GALNT13: variants seen among roughly 807,000 people sequenced by gnomAD.
GALNT13 encodes polypeptide N-acetylgalactosaminyltransferase 13.
GALNT13 carries 28 observed loss-of-function variants against 64.2 expected under a neutral mutation model. The observed-to-expected ratio is 0.44, with a 90% CI of 0.32 to 0.60. GALNT13 has a LOEUF of 0.60. Ranked by LOEUF, GALNT13 falls within the 20% of genes least tolerant of loss-of-function variation. GALNT13 has a pLI of 0.05. For synonymous variants in GALNT13, 214 were observed against 224.6 expected (o/e 0.95, Z 0.42); for missense variants, 577 against 669.8 (o/e 0.86, Z 1.53).
chr2:153,799,893 T>C, the GALNT13 span, among the ~76,000 whole-genome samples: 1 of 152,144 alleles, frequency 6.6e-6, no homozygotes, highest in South Asian at 2.1e-4. Context: ...TGGTATATAT[T>C]TGAGGGAGAA....
chr2:154,176,593 T>C (rs968926594), intron 4 of GALNT13, among the ~76,000 whole-genome samples: 1 of 152,188 alleles, frequency 6.6e-6, no homozygotes, highest in South Asian at 2.1e-4. Context: ...TTTTAAGAAT[T>C]CCTGATATCA....
the GALNT13 span, among the ~76,000 whole-genome samples, chr2:153,267,610 A>C: frequency 6.6e-6 from 1 of 152,336 alleles, no homozygotes; most frequent in African/African-American, 2.4e-5. Context: ...TGCACAGAGC[A>C]GTGGGGCCAT....
intron 4 of GALNT13, among the ~76,000 whole-genome samples, chr2:154,223,729 A>G (rs1688444487): frequency 6.6e-6 from 1 of 152,070 alleles, no homozygotes; most frequent in Non-Finnish European, 1.5e-5. Flanking sequence ...ATCTCAGGTA[A>G]AAGTATTTGT....
chr2:154,206,543 C>G (rs933454339), intron 4 of GALNT13, among the ~76,000 whole-genome samples: 1 of 151,786 alleles, frequency 6.6e-6, no homozygotes, highest in African/African-American at 2.4e-5. Flanking sequence ...GCCTGTAAAC[C>G]TAGCACTTTG....
At chr2:154,211,093 G>A (rs771818471) in intron 4 of GALNT13, among the ~76,000 whole-genome samples, 8 of 151,738 alleles carry the variant, frequency 5.3e-5, no homozygotes, top group Non-Finnish European at 5.9e-5. Context: ...ATATAGAAAT[G>A]TGTGAGTTTT....
chr2:153,629,275 G>A, the GALNT13 span, among the ~76,000 whole-genome samples: 3 of 151,510 alleles, frequency 2.0e-5, no homozygotes, highest in Admixed American at 1.3e-4. Flanking sequence ...AACCAAAACA[G>A]CATGATACTG....
intron 4 of GALNT13, among the ~76,000 whole-genome samples, chr2:154,149,718 G>C (rs571380251): frequency 1.3e-5 from 2 of 151,970 alleles, no homozygotes; most frequent in East Asian, 3.9e-4. Context: ...TCATGATTTG[G>C]CTCTCTGTTT....
the GALNT13 span, among the ~76,000 whole-genome samples, chr2:153,627,669 C>T: frequency 1.3e-5 from 2 of 152,026 alleles, no homozygotes; most frequent in Non-Finnish European, 2.9e-5. Context: ...CCTAATAATA[C>T]TCAGACAAGG....
intron 9 of GALNT13, among the ~76,000 whole-genome samples, chr2:154,367,550 C>T (rs1375251270): frequency 6.6e-6 from 1 of 152,006 alleles, no homozygotes; most frequent in African/African-American, 2.4e-5. Flanking sequence ...ATATTATGTA[C>T]CATTTCACTA....
At chr2:154,199,729 T>C (rs1362413304) in intron 4 of GALNT13, among the ~76,000 whole-genome samples, 1 of 152,044 alleles carries the variant, frequency 6.6e-6, no homozygotes, top group African/African-American at 2.4e-5. Flanking sequence ...AAACTGGAGA[T>C]TGTAATACTA....
intron 9 of GALNT13, among the ~76,000 whole-genome samples, chr2:154,356,971 G>A (rs1283508311): frequency 6.6e-6 from 1 of 151,860 alleles, no homozygotes; most frequent in South Asian, 2.1e-4. Context: ...ATAGATATTT[G>A]ATAATACCTG....
At chr2:154,285,128 A>G (rs1692186806) in intron 8 of GALNT13, among the ~76,000 whole-genome samples, 2 of 152,042 alleles carry the variant, frequency 1.3e-5, no homozygotes, top group Admixed American at 6.5e-5. Context: ...CTAGCTCTTT[A>G]TCAGACATAT....
chr2:153,277,908 C>CTTTTCTTTTTTTTTTTTTTT, the GALNT13 span, among the ~76,000 whole-genome samples: 8 of 69,588 alleles, frequency 1.1e-4, no homozygotes, highest in Non-Finnish European at 2.6e-4. Context: ...TTTCTTTTTT[C>CTTTTCTTTTTTTTTTTTTTT]TTTTGTTTTC....
At chr2:154,157,882 C>T (rs1684513823) in intron 4 of GALNT13, among the ~76,000 whole-genome samples, 1 of 152,168 alleles carries the variant, frequency 6.6e-6, no homozygotes, top group Non-Finnish European at 1.5e-5. Context: ...AAATTTTTCA[C>T]TTGGCTTTTA....
At chr2:153,458,382 C>A in the GALNT13 span, among the ~76,000 whole-genome samples, 1 of 152,148 alleles carries the variant, frequency 6.6e-6, no homozygotes, top group African/African-American at 2.4e-5. Flanking sequence ...CAAAGAGAGG[C>A]AGAACAATCC....
At chr2:154,369,227 G>A (rs1697545024) in intron 9 of GALNT13, among the ~76,000 whole-genome samples, 1 of 152,016 alleles carries the variant, frequency 6.6e-6, no homozygotes, top group Non-Finnish European at 1.5e-5. Flanking sequence ...AAGGTACTTT[G>A]GGAGAGGCAG....
chr2:154,303,373 A>G lies in GALNT13; in HGVS notation c.1156+1784A>G, dbSNP rs60566333. 2.1e-3 allele frequency among the ~76,000 whole-genome samples: 324 copies of G among 152,130 alleles called. 2 individuals carry two copies. The highest frequency in any genetic ancestry group is 7.0e-3 in the African/African-American group (291 of 41,518). ...CTGGCCACCCCACCCTAATCTTATTATGCAAATAGACTTTCCACTCCACTG... is the reference window on the plus strand; with the variant it reads ...CTGGCCACCCCACCCTAATCTTATTGTGCAAATAGACTTTCCACTCCACTG... On this transcript the variant is annotated intron_variant, in intron 9 of 12. Coordinates refer to ENST00000392825, the MANE Select transcript of GALNT13 (RefSeq NM_052917.4).
the GALNT13 span, among the ~76,000 whole-genome samples, chr2:153,132,158 C>T: frequency 6.6e-6 from 1 of 152,104 alleles, no homozygotes. Flanking sequence ...CTGGAGAGGA[C>T]CAATACCAGC....
At chr2:153,744,674 C>T in the GALNT13 span, among the ~76,000 whole-genome samples, 8 of 151,878 alleles carry the variant, frequency 5.3e-5, no homozygotes, top group East Asian at 3.9e-4. Flanking sequence ...TGAGCATGAC[C>T]GAGACCAAAA....
Sources: allele counts gnomAD v4.1 joint callset (sites outside exome capture counted in the v4.1 genomes callset), GRCh38; gene constraint gnomAD v4.1.1; transcripts MANE v1.5; gene names NCBI Gene and HGNC (gene_info 2026-07-23, HGNC 2026-07-21).